ZC3H12B: variants seen among roughly 807,000 people sequenced by gnomAD.
ZC3H12B encodes probable ribonuclease ZC3H12B.
ZC3H12B carries 7 observed loss-of-function variants against 43.9 expected under a neutral mutation model. The observed-to-expected ratio is 0.16, with a 90% CI of 0.09 to 0.30. The LOEUF (loss-of-function observed/expected upper bound fraction) is 0.30, where lower values mean the gene tolerates loss of function less well. Among genes scored for constraint, ZC3H12B ranks in the 10% least tolerant of loss-of-function variants. The pLI is 1.00. For missense variants in ZC3H12B, 475 were observed against 670.2 expected, an observed-to-expected ratio of 0.71 and a Z score of 3.22; for synonymous variants, 222 against 241.7, an observed-to-expected ratio of 0.92 and a Z score of 0.76.
the ZC3H12B span, among the ~76,000 whole-genome samples, chrX:65,165,444 G>A: frequency 2.5e-4 from 28 of 111,716 alleles, no homozygotes; most frequent in East Asian, 2.6e-3. Flanking sequence ...CCACACTGCC[G>A]AAAGGCCCCG....
chrX:65,127,584 C>A, the ZC3H12B span, among the ~76,000 whole-genome samples: 2 of 110,797 alleles, frequency 1.8e-5, no homozygotes. Context: ...CCACAGAGCT[C>A]CTAAGAGATT....
chrX:65,461,530 G>A (rs1225120941), intron 3 of ZC3H12B, among the ~76,000 whole-genome samples: 1 of 111,948 alleles, frequency 8.9e-6, no homozygotes, highest in Non-Finnish European at 1.9e-5. Flanking sequence ...CCATAAAAAA[G>A]GATGAGTTCT....
the ZC3H12B span, among the ~76,000 whole-genome samples, chrX:65,268,549 C>CA: frequency 8.9e-6 from 1 of 112,189 alleles, no homozygotes; most frequent in Admixed American, 9.4e-5. Context: ...ATATAAAAAA[C>CA]ATTATACATT....
chrX:65,067,185 T>TA, the ZC3H12B span, among the ~76,000 whole-genome samples: 14,393 of 100,746 alleles, frequency 0.14, 2,502 homozygotes, highest in African/African-American at 0.47. Context: ...GCCACTCTGT[T>TA]AAAAAAAAAA....
chrX:65,244,968 C>T, the ZC3H12B span, among the ~76,000 whole-genome samples: 3 of 110,764 alleles, frequency 2.7e-5, no homozygotes, highest in South Asian at 3.8e-4. Flanking sequence ...AGTCTTTTAT[C>T]TCTTTCCTAT....
chrX:65,142,164 C>G, the ZC3H12B span, among the ~76,000 whole-genome samples: 1 of 111,817 alleles, frequency 8.9e-6, no homozygotes, highest in Non-Finnish European at 1.9e-5. Context: ...CACATCCATG[C>G]CAAAATCTAC....
At chrX:65,504,391 C>T (rs770191848) in exon 5 of ZC3H12B, 1 of 112,429 alleles carries the variant, frequency 8.9e-6, no homozygotes, top group East Asian at 2.8e-4. Context: ...CTTTCTTAGG[C>T]ACCAGAGCAA....
chrX:65,298,404 G>A, the ZC3H12B span, among the ~76,000 whole-genome samples: 1 of 112,099 alleles, frequency 8.9e-6, no homozygotes, highest in Non-Finnish European at 1.9e-5. Context: ...GAAGTGATTA[G>A]AGGGAAATTC....
chrX:65,354,180 T>A, the ZC3H12B span, among the ~76,000 whole-genome samples: 1 of 112,014 alleles, frequency 8.9e-6, no homozygotes, highest in Non-Finnish European at 1.9e-5. Context: ...AGGAGACACC[T>A]CCCAGCAGGG....
chrX:65,189,922 T>C, the ZC3H12B span, among the ~76,000 whole-genome samples: 1 of 108,601 alleles, frequency 9.2e-6, no homozygotes, highest in Non-Finnish European at 1.9e-5. Context: ...AGGGTTTTTA[T>C]GGTTTTAGGT....
chrX:65,447,221 CT>C (rs2067389624), intron 3 of ZC3H12B, among the ~76,000 whole-genome samples: 1 of 111,513 alleles, frequency 9.0e-6, no homozygotes, highest in African/African-American at 3.3e-5. Flanking sequence ...TTTTTCTTTT[CT>C]TTTTCCTTTT....
At chrX:65,089,021 C>T in the ZC3H12B span, among the ~76,000 whole-genome samples, 1 of 111,581 alleles carries the variant, frequency 9.0e-6, no homozygotes, top group Non-Finnish European at 1.9e-5. Context: ...GCATATTTAC[C>T]ATAAATATTA....
At chrX:65,181,267 A>C in the ZC3H12B span, among the ~76,000 whole-genome samples, 264 of 112,367 alleles carry the variant, frequency 2.3e-3, no homozygotes, top group Non-Finnish European at 4.4e-3. Flanking sequence ...GATGATTTAA[A>C]TAGTTAAATA....
the ZC3H12B span, among the ~76,000 whole-genome samples, chrX:65,317,247 C>A: frequency 6.8e-5 from 6 of 88,594 alleles, no homozygotes; most frequent in African/African-American, 5.7e-4. Context: ...AAACAATCCT[C>A]AACCAATTAA....
chrX:65,448,628 C>A (rs1327460392), intron 3 of ZC3H12B, among the ~76,000 whole-genome samples: 1 of 110,447 alleles, frequency 9.1e-6, no homozygotes, highest in Non-Finnish European at 1.9e-5. Context: ...CCCAGCCTGG[C>A]CAACATGGTG....
chrX:65,401,685 G>A (rs913631410), intron 3 of ZC3H12B, among the ~76,000 whole-genome samples: 1 of 111,643 alleles, frequency 9.0e-6, no homozygotes, highest in Admixed American at 9.5e-5. Flanking sequence ...CCTTCCTTCT[G>A]CTTTAGGAGA....
the ZC3H12B span, chrX:65,356,971 T>C: frequency 3.0e-5 from 14 of 474,121 alleles, no homozygotes; most frequent in Non-Finnish European, 3.2e-5. Flanking sequence ...AGGTTTGTGA[T>C]CCAACATATT....
the ZC3H12B span, among the ~76,000 whole-genome samples, chrX:65,129,625 A>G: frequency 2.7e-5 from 3 of 111,387 alleles, no homozygotes; most frequent in Admixed American, 2.9e-4. Flanking sequence ...GCTTCAGGCC[A>G]TCTGGATGTA....
At chrX:65,153,129 C>T in the ZC3H12B span, among the ~76,000 whole-genome samples, 347 of 111,784 alleles carry the variant, frequency 3.1e-3, 1 homozygote, top group Non-Finnish European at 5.5e-3. Context: ...CCATAAAAAC[C>T]CTAGAAGAAA....
Sources: allele counts gnomAD v4.1 joint callset (sites outside exome capture counted in the v4.1 genomes callset), GRCh38; gene constraint gnomAD v4.1.1; transcripts MANE v1.5; gene names NCBI Gene and HGNC (gene_info 2026-07-23, HGNC 2026-07-21).